ZNF497: variants seen among roughly 807,000 people sequenced by gnomAD.
ZNF497 encodes the protein zinc finger protein 497, also known as zinc finger-like protein.
For synonymous variants in ZNF497, 422 were observed against 313.7 expected (o/e 1.35, Z -3.65); for missense variants, 930 against 714.0 (o/e 1.30, Z -3.45).
In ZNF497 at chr19:58,356,090, ACC is replaced by A; in HGVS notation, c.*47_*48del. ...AGCAGACAGCGCACTCACGCCCGAG[ACC>A]CCGCAATGCCGTGTGTCCGCGACCT... On this transcript the variant is annotated 3_prime_UTR_variant, in exon 3 of 3. Transcript: ENST00000311044. The A allele has an allele frequency of 6.7e-7, 1 of 1,482,216 alleles. No homozygotes were observed. 91.8% of individuals were successfully genotyped at this position (1,482,216 alleles called of 1,614,324 possible).
intron 1 of ZNF497, chr19:58,359,346 G>C: frequency 9.1e-7 from 1 of 1,097,572 alleles, no homozygotes; most frequent in Non-Finnish European, 1.2e-6. Flanking sequence ...AGGTGAGCCT[G>C]TGAGCACAGC....
chr19:58,359,117 G>GC, intron 1 of ZNF497: 1 of 1,144,268 alleles, frequency 8.7e-7, no homozygotes, highest in Non-Finnish European at 1.2e-6. Context: ...CTGAGCCAGG[G>GC]CCCCTCGGGG....
intron 2 of ZNF497, chr19:58,357,970 G>A: frequency 7.7e-7 from 1 of 1,296,168 alleles, no homozygotes; most frequent in Non-Finnish European, 9.9e-7. Flanking sequence ...GCCCTACTGT[G>A]GCACCACTCT....
At chr19:58,358,243 G>A in intron 2 of ZNF497, 1 of 1,289,852 alleles carries the variant, frequency 7.8e-7, no homozygotes, top group Non-Finnish European at 1.0e-6. Context: ...GTGCAGGTCA[G>A]ACCAGGTGGT....
intron 2 of ZNF497, chr19:58,357,976 A>T: frequency 7.8e-7 from 1 of 1,284,378 alleles, no homozygotes; most frequent in Non-Finnish European, 1.0e-6. Flanking sequence ...CTGTGGCACC[A>T]CTCTCCTCTC....
At position 58,356,591 on chromosome 19, in the gene ZNF497, G is replaced by C. The variant is rs552275342; in HGVS notation, c.1045C>G (p.Arg349Gly). The change falls in exon 3 of 3, where the codon CGG becomes GGG. Residue 349 changes from arginine (R) to glycine (G), a missense_variant. Physicochemically the swap from Arg to Gly is moderately radical, Grantham distance 125. Transcript: ENST00000311044. The part of the protein sequence containing the change: ...FVMGSYLAEH[R>G]RVHTGEKPHA... The stretch of plus-strand genomic sequence containing the variant: ...GGCTTCTCGCCCGTGTGCACGCGCC[G>C]GTGCTCCGCCAGGTAGGAGCCCATG... 1 of 1,546,790 alleles carries C rather than the reference G, an allele frequency of 6.5e-7. No homozygotes were observed. The highest frequency in any genetic ancestry group is 2.4e-5 in the East Asian group (1 of 41,230).
intron 1 of ZNF497, chr19:58,359,123 C>A (rs759389834): frequency 5.1e-6 from 6 of 1,180,590 alleles, no homozygotes; most frequent in Non-Finnish European, 5.6e-6. Flanking sequence ...CAGGGCCCCT[C>A]GGGGCCCTGC....
intron 1 of ZNF497, among the ~76,000 whole-genome samples, chr19:58,360,602 C>T (rs181968848): frequency 6.6e-6 from 1 of 152,058 alleles, no homozygotes; most frequent in African/African-American, 2.4e-5. Flanking sequence ...AATCTCGGCT[C>T]ACTGCAACCT....
intron 2 of ZNF497, 64 bp downstream of exon 2, chr19:58,358,425 C>G (rs1179087065): frequency 3.0e-5 from 35 of 1,155,066 alleles, no homozygotes; most frequent in Non-Finnish European, 3.8e-5. Context: ...CCTTATCATC[C>G]TTGTGTAGTC....
Position 58,357,027 on chromosome 19 carries a change from G to A in ZNF497, c.609C>T (p.Thr203=). ...GCGTGCGTCGGTGCTGCACCAGCGT[G>A]GTGCTTCGGCCGAAGGACTTGCCGC... ...PDCGKSFGRS[T]TLVQHRRTHT... The change falls in exon 3 of 3, where the codon ACC becomes ACT. Residue 203 remains threonine, a synonymous_variant. Transcript: ENST00000311044. 6.2e-7 allele frequency: 1 copy of A among 1,609,268 alleles called. No homozygotes were observed. The highest frequency in any genetic ancestry group is 8.5e-7 in the Non-Finnish European group (1 of 1,178,912).
At chr19:58,362,114 C>A (rs1024290515) in intron 1 of ZNF497, among the ~76,000 whole-genome samples, 2 of 152,242 alleles carry the variant, frequency 1.3e-5, no homozygotes, top group Admixed American at 1.3e-4. Context: ...CGCGTCAGTC[C>A]CAGCGCCCAC....
At chr19:58,358,057 C>G (rs961002385) in intron 2 of ZNF497, 1 of 1,219,666 alleles carries the variant, frequency 8.2e-7, no homozygotes, top group African/African-American at 1.6e-5. Context: ...CACGATGGAC[C>G]CGTCTCCATT....
Position 58,358,549 on chromosome 19 carries a change from TG to T in ZNF497, c.-76del. 1 of 1,188,836 alleles carries T rather than the reference TG, an allele frequency of 8.4e-7. No individual in the cohort carries two copies. Among genetic ancestry groups the T allele is most frequent in the East Asian group, 5.9e-5 (1 of 17,054 alleles). 73.6% of individuals were successfully genotyped at this position (1,188,836 alleles called of 1,614,324 possible). ...TCTTGCTCCTCTCCCTCCTCTGTCC[TG>T]GGGACCAGCTCCTCTTGGGGCCTGG... On this transcript the variant is annotated 5_prime_UTR_variant, in exon 2 of 3. Coordinates refer to ENST00000311044, the MANE Select transcript of ZNF497 (RefSeq NM_198458.3).
Position 58,356,759 on chromosome 19 carries a change from G to T in ZNF497, c.877C>A (p.Arg293=), listed in dbSNP as rs74648140. ...FVRVAGLRQH[R]RTHSSEKPFP... ...GGCTTCTCGCTGCTGTGCGTGCGCCGGTGCTGCCGCAGCCCCGCCACACGC... is the reference window on the plus strand; with the variant it reads ...GGCTTCTCGCTGCTGTGCGTGCGCCTGTGCTGCCGCAGCCCCGCCACACGC... The change falls in exon 3 of 3, where the codon CGG becomes AGG. Residue 293 remains arginine, a synonymous_variant. Coordinates refer to ENST00000311044, the MANE Select transcript of ZNF497 (RefSeq NM_198458.3). 1.4e-5 allele frequency: 22 copies of T among 1,561,772 alleles called. No individual in the cohort carries two copies. In the East Asian group the frequency reaches 4.5e-4, roughly 32 times the overall value.
chr19:58,356,707 G>C lies in ZNF497; in HGVS notation c.929C>G (p.Ala310Gly). The C allele has an allele frequency of 1.9e-6, 3 of 1,567,590 alleles. No individual in the cohort carries two copies. The highest frequency in any genetic ancestry group is 1.1e-5 in the South Asian group (1 of 87,046). Residue 310 changes from alanine (A) to glycine (G), a missense_variant, in exon 3 of 3, where the codon GCT becomes GGT. Ala to Gly is a moderately conservative substitution (Grantham distance 60). Coordinates refer to ENST00000311044, the MANE Select transcript of ZNF497 (RefSeq NM_198458.3). ...CAGGAGCTGCGAGCTCTCGCGGAAA[G>C]CCTTTCCGCACTCGGCGCAGGGGAA... is the stretch of plus-strand genomic sequence containing the variant. ...KPFPCAECGKAFRESSQLLQH... is the reference protein window; with the variant it reads ...KPFPCAECGKGFRESSQLLQH...
rs1336171354 is a variant in ZNF497, at chr19:58,355,021, T to C, written c.*1118A>G. On this transcript the variant is annotated 3_prime_UTR_variant, in exon 3 of 3. Transcript: ENST00000311044. ...CGTTGCACCCTCCTCTTAGCTTCCC[T>C]GGGTTCTCCAGCCCTAAGGGTGGTA... 1 of 152,368 alleles carries C rather than the reference T, an allele frequency of 6.6e-6. No homozygotes were observed. The highest frequency in any genetic ancestry group is 1.9e-4 in the East Asian group (1 of 5,204). The allele number at this position is 152,368 out of a possible 1,614,324, so 9.4% of individuals were successfully genotyped here.
intron 1 of ZNF497, among the ~76,000 whole-genome samples, chr19:58,360,475 C>T (rs967862150): frequency 4.6e-5 from 7 of 151,934 alleles, no homozygotes; most frequent in Non-Finnish European, 7.4e-5. Flanking sequence ...CCTCAGCCTC[C>T]GAAGGAGCTG....
chr19:58,362,215 A>T (rs2052101788), intron 1 of ZNF497, among the ~76,000 whole-genome samples: 1 of 152,040 alleles, frequency 6.6e-6, no homozygotes, highest in African/African-American at 2.4e-5. Flanking sequence ...ACAAATACGG[A>T]GTGGATAAAG....
intron 1 of ZNF497, among the ~76,000 whole-genome samples, chr19:58,360,148 G>T (rs1443063293): frequency 6.6e-6 from 1 of 152,154 alleles, no homozygotes; most frequent in South Asian, 2.1e-4. Context: ...GTAGATCAGC[G>T]GTTGCCAGGA....
Sources: allele counts gnomAD v4.1 joint callset (sites outside exome capture counted in the v4.1 genomes callset), GRCh38; gene constraint gnomAD v4.1.1; transcripts MANE v1.5; gene names NCBI Gene and HGNC (gene_info 2026-07-23, HGNC 2026-07-21).